RHCE: variants seen among roughly 807,000 people sequenced by gnomAD.
RHCE encodes the protein blood group Rh(CE) polypeptide.
In RHCE, 22 loss-of-function variants were observed where a neutral mutation model predicts 43.8. The observed-to-expected ratio is 0.50, with a 90% CI of 0.36 to 0.72. RHCE has a LOEUF of 0.72. Among genes scored for constraint, RHCE ranks in the 30% least tolerant of loss-of-function variants. The pLI is 0.00. For synonymous variants in RHCE, 156 were observed against 210.7 expected (o/e 0.74, Z 2.25); for missense variants, 385 against 525.4 (o/e 0.73, Z 2.61).
chr1:25,383,833 C>T (rs1365266541), intron 7 of RHCE, among the ~76,000 whole-genome samples: 2 of 152,142 alleles, frequency 1.3e-5, no homozygotes, highest in African/African-American at 2.4e-5. Flanking sequence ...TGTGCAGTGA[C>T]GTCTCCTTGA....
chr1:25,420,967 G>A, upstream of RHCE: 2 of 987,040 alleles, frequency 2.0e-6, no homozygotes, highest in African/African-American at 3.3e-5. Flanking sequence ...GGACTATGAT[G>A]GGGAGGGGAG....
intron 1 of RHCE, among the ~76,000 whole-genome samples, chr1:25,417,390 A>G (rs1264394079): frequency 9.9e-5 from 15 of 152,212 alleles, no homozygotes; most frequent in Non-Finnish European, 1.8e-4. Context: ...GGCTTAACCA[A>G]CTCGTGCAGA....
chr1:25,402,814 T>C, intron 2 of RHCE, 68 bp from the exon 3 acceptor site: 1 of 1,596,832 alleles, frequency 6.3e-7, no homozygotes, highest in Non-Finnish European at 8.6e-7. Context: ...CATTCATTCA[T>C]TCATTCATTC....
intron 3 of RHCE, among the ~76,000 whole-genome samples, chr1:25,394,178 G>A (rs1459311545): frequency 1.2e-4 from 18 of 151,902 alleles, no homozygotes; most frequent in Non-Finnish European, 1.5e-4. Context: ...TAGTAGAGAC[G>A]GGGTTTCACC....
rs192936355 is a variant in RHCE at position 25,369,428 on chromosome 1, G to A, written c.1227+1039C>T. On this transcript the variant is annotated intron_variant, in intron 9 of 9. Coordinates refer to ENST00000294413, the MANE Select transcript of RHCE (RefSeq NM_020485.8). ...TCCAGCCTACCCACAGCATTGACTA[G>A]AGGATGGCCTAAGGGGACACATCAG... 8.6e-5 allele frequency among the ~76,000 whole-genome samples: 13 copies of A among 151,818 alleles called. No homozygotes were observed. The East Asian group carries it at 2.3e-3, about 27-fold the overall frequency.
intron 3 of RHCE, among the ~76,000 whole-genome samples, chr1:25,397,277 A>G (rs1487778192): frequency 1.3e-5 from 2 of 149,694 alleles, no homozygotes; most frequent in Admixed American, 1.3e-4. Context: ...CGGGTGGATC[A>G]CCTGAGGTCA....
intron 1 of RHCE, among the ~76,000 whole-genome samples, chr1:25,415,241 C>A (rs1647294922): frequency 6.6e-6 from 1 of 152,138 alleles, no homozygotes; most frequent in South Asian, 2.1e-4. Context: ...GTCATCCAGA[C>A]CAGTAGTCAT....
At chr1:25,393,578 G>A (rs1319099684) in intron 3 of RHCE, among the ~76,000 whole-genome samples, 12 of 152,226 alleles carry the variant, frequency 7.9e-5, no homozygotes, top group Middle Eastern at 3.4e-3. Context: ...CTGAGATGGC[G>A]CCACTGCACT....
chr1:25,374,247 C>T (rs1402510417), intron 8 of RHCE, among the ~76,000 whole-genome samples: 2 of 151,860 alleles, frequency 1.3e-5, no homozygotes, highest in African/African-American at 2.4e-5. Flanking sequence ...CACCACCACG[C>T]CTGGCTAATT....
chr1:25,382,766 G>A (rs1485688228), intron 7 of RHCE, among the ~76,000 whole-genome samples: 1 of 152,080 alleles, frequency 6.6e-6, no homozygotes, highest in Non-Finnish European at 1.5e-5. Context: ...TTCAAACTAG[G>A]AAGGCCTGTC....
chr1:25,426,849 G>A (rs2042808262), intron 2 of RHCE, among the ~76,000 whole-genome samples: 3 of 152,182 alleles, frequency 2.0e-5, no homozygotes, highest in Admixed American at 1.3e-4. Context: ...CTAAGGTCAG[G>A]AGTTTGAGAC....
chr1:25,417,131 GC>G (rs1158324829), intron 1 of RHCE, among the ~76,000 whole-genome samples: 1 of 108,982 alleles, frequency 9.2e-6, no homozygotes, highest in Non-Finnish European at 1.8e-5. Flanking sequence ...AACAGATAGA[GC>G]CTTAAAAAAC....
chr1:25,413,834 G>A (rs1280760840), intron 1 of RHCE, among the ~76,000 whole-genome samples: 2 of 151,988 alleles, frequency 1.3e-5, no homozygotes, highest in Non-Finnish European at 1.5e-5. Flanking sequence ...AATGGTAGCA[G>A]GAGGATTCAA....
Position 25,362,518 on chromosome 1 carries a change from T to G in RHCE, c.*9A>C. ...TTGAACAGGCCTTGTTTTTCTTGGA[T>G]GCTTTTGCTTAAAATCCAACAGCCA... is the stretch of plus-strand genomic sequence containing the variant. On this transcript the variant is annotated 3_prime_UTR_variant, in exon 10 of 10. Coordinates refer to ENST00000294413, the MANE Select transcript of RHCE (RefSeq NM_020485.8). 1 of 1,601,242 alleles carries G rather than the reference T, an allele frequency of 6.2e-7. No homozygotes were observed.
intron 5 of RHCE, 40 bp downstream of exon 5, chr1:25,390,709 G>C (rs1277718221): frequency 6.2e-7 from 1 of 1,613,414 alleles, no homozygotes; most frequent in East Asian, 2.2e-5. Context: ...TGCTAGTCCT[G>C]TTAGACCCAA....
chr1:25,420,280 C>T (rs1173380771), intron 1 of RHCE, among the ~76,000 whole-genome samples: 1 of 152,076 alleles, frequency 6.6e-6, no homozygotes, highest in Admixed American at 6.6e-5. Flanking sequence ...GCACTTGTAT[C>T]CCCTAAATCT....
chr1:25,406,115 C>T lies in RHCE; in HGVS notation c.335+2568G>A, dbSNP rs1199255720. On this transcript the variant is annotated intron_variant, in intron 2 of 9. Transcript: ENST00000294413. Reference sequence around the variant, plus strand: ...CAGCCCTAGACTGTGGGGCAGGAGGCTGAAGGCTGGTGTGACCTTAAGCTA... The same window carrying T: ...CAGCCCTAGACTGTGGGGCAGGAGGTTGAAGGCTGGTGTGACCTTAAGCTA... Among the ~76,000 whole-genome samples the T allele has an allele frequency of 3.2e-5, 4 of 123,112 alleles. 2 individuals carry two copies. The highest frequency in any genetic ancestry group is 5.0e-5 in the African/African-American group (2 of 39,754). The allele number at this position is 123,112 out of a possible 152,430, so 80.8% of individuals were successfully genotyped here.
At chr1:25,423,572 A>C (rs1366623127), upstream of RHCE, among the ~76,000 whole-genome samples, 1 of 152,220 alleles carries the variant, frequency 6.6e-6, no homozygotes, top group African/African-American at 2.4e-5. Flanking sequence ...TTTCATTAAA[A>C]AAGGGAGGTA....
rs1249994343 is a variant in RHCE, at chr1:25,380,983, G to C, written c.1073+4728C>G. The stretch of plus-strand genomic sequence containing the variant: ...GTGGCGCGATCTCGGCTCACTGCAA[G>C]CTCTGCCTCCCGGGTTCATGCCATT... On this transcript the variant is annotated intron_variant, in intron 7 of 9. Transcript: ENST00000294413. 2.8e-5 allele frequency among the ~76,000 whole-genome samples: 4 copies of C among 145,442 alleles called. No homozygotes were observed. The Admixed American group carries it at 2.8e-4, about 10-fold the overall frequency.
Sources: gnomAD v4.1 joint callset for allele counts (sites outside exome capture counted in the v4.1 genomes callset) on GRCh38, gnomAD v4.1.1 for gene constraint, MANE v1.5 for transcripts, NCBI Gene and HGNC (gene_info 2026-07-23, HGNC 2026-07-21) for gene names.